Variants in KIAA1671 observed in about 807,000 individuals in gnomAD.
The protein encoded by KIAA1671 is uncharacterized protein KIAA1671.
Under a neutral mutation model 131.2 loss-of-function variants are expected in KIAA1671, and 52 were observed. The ratio of observed to expected loss-of-function variants is 0.40; its 90% CI spans 0.32 to 0.50. The LOEUF (loss-of-function observed/expected upper bound fraction) is 0.50, where lower values mean the gene tolerates loss of function less well. Among genes scored for constraint, KIAA1671 ranks in the 20% least tolerant of loss-of-function variants. The pLI is 0.73. For synonymous variants in KIAA1671, 1,003 were observed against 961.6 expected, an observed-to-expected ratio of 1.04 and a Z score of -0.80; for missense variants, 2,360 against 2,364.2, an observed-to-expected ratio of 1.00 and a Z score of 0.04.
intron 6 of KIAA1671, among the ~76,000 whole-genome samples, chr22:25,162,029 C>T (rs912390371): frequency 2.0e-5 from 3 of 152,208 alleles, no homozygotes; most frequent in Admixed American, 6.5e-5. Context: ...CCCAGCTCCA[C>T]CCCTTCCAAA....
intron 6 of KIAA1671, among the ~76,000 whole-genome samples, chr22:25,099,837 C>T (rs958953391): frequency 6.6e-6 from 1 of 152,090 alleles, no homozygotes; most frequent in African/African-American, 2.4e-5. Context: ...AAGCCACACT[C>T]GTTCCAATGG....
chr22:25,033,574 G>GGTTTTTT (rs1261506792), intron 4 of KIAA1671, among the ~76,000 whole-genome samples: 1 of 58,420 alleles, frequency 1.7e-5, no homozygotes, highest in African/African-American at 7.2e-5. Flanking sequence ...GTTTGTTTTC[G>GGTTTTTT]TTTTTTTTTT....
chr22:25,160,707 C>T (rs1933414085), intron 6 of KIAA1671, among the ~76,000 whole-genome samples: 1 of 152,220 alleles, frequency 6.6e-6, no homozygotes, highest in Non-Finnish European at 1.5e-5. Flanking sequence ...CCACACCTGA[C>T]TACACCTGGC....
At chr22:25,141,397 T>TG (rs1568976799) in intron 6 of KIAA1671, among the ~76,000 whole-genome samples, 1 of 132,850 alleles carries the variant, frequency 7.5e-6, no homozygotes, top group Non-Finnish European at 1.7e-5. Flanking sequence ...CACACCTGGC[T>TG]AATTTTTTGT....
intron 6 of KIAA1671, among the ~76,000 whole-genome samples, chr22:25,139,377 G>A (rs900457218): frequency 6.6e-6 from 1 of 152,240 alleles, no homozygotes; most frequent in Non-Finnish European, 1.5e-5. Flanking sequence ...GAGGGAGGCT[G>A]TATGGTACAA....
chr22:24,986,068 C>G (rs959956027), intron 1 of KIAA1671, among the ~76,000 whole-genome samples: 27 of 152,112 alleles, frequency 1.8e-4, no homozygotes, highest in African/African-American at 6.5e-4. Context: ...GGTTTCCTTC[C>G]TCTCCTAGTG....
chr22:24,994,083 A>G (rs1177571396), intron 1 of KIAA1671, among the ~76,000 whole-genome samples: 4 of 152,100 alleles, frequency 2.6e-5, no homozygotes, highest in Non-Finnish European at 5.9e-5. Flanking sequence ...CTCCCGTCTC[A>G]GAAGAGAAAA....
At chr22:25,102,441 TTTG>T (rs941554636) in intron 6 of KIAA1671, 38 of 152,244 alleles carry the variant, frequency 2.5e-4, no homozygotes, top group African/African-American at 5.8e-4. Context: ...CATTTATTAT[TTTG>T]TTGTTGTTGT....
rs528893871 is a variant in KIAA1671 at position 25,133,376 on chromosome 22, C to G, written c.4531-37444C>G. 1.2e-3 allele frequency among the ~76,000 whole-genome samples: 179 copies of G among 152,316 alleles called. 3 individuals carry two copies. The South Asian group carries it at 0.031, about 26-fold the overall frequency. On this transcript the variant is annotated intron_variant, in intron 6 of 12. Coordinates refer to ENST00000358431, the MANE Select transcript of KIAA1671 (RefSeq NM_001145206.2). ...AGGTTTCAGTAGCATGTGTTGACCA[C>G]AGAATTCACAAAGCATTTCACTAGG...
chr22:24,975,437 G>A (rs1922863138), intron 1 of KIAA1671, among the ~76,000 whole-genome samples: 1 of 151,688 alleles, frequency 6.6e-6, no homozygotes, highest in African/African-American at 2.4e-5. Context: ...TCCTGCTTCA[G>A]CCTCCTAAGT....
At chr22:25,147,823 C>T (rs1226498484) in intron 6 of KIAA1671, among the ~76,000 whole-genome samples, 3 of 152,162 alleles carry the variant, frequency 2.0e-5, no homozygotes, top group Non-Finnish European at 4.4e-5. Flanking sequence ...GTGCTAGGAG[C>T]TCTCATTCAC....
chr22:25,153,416 G>A (rs932606140), intron 6 of KIAA1671, among the ~76,000 whole-genome samples: 4 of 152,148 alleles, frequency 2.6e-5, no homozygotes, highest in Non-Finnish European at 4.4e-5. Flanking sequence ...ACATTGCACA[G>A]GACGGCCCCC....
chr22:25,173,695 CA>C (rs1933926207), intron 7 of KIAA1671, among the ~76,000 whole-genome samples: 1 of 152,038 alleles, frequency 6.6e-6, no homozygotes, highest in Non-Finnish European at 1.5e-5. Context: ...GTAGCTACAC[CA>C]AAAGAATAAA....
In KIAA1671 at chr22:25,185,138, T is replaced by C. The variant is rs1349551168; in HGVS notation, c.5342+19T>C. On this transcript the variant is annotated intron_variant, in intron 11 of 12. Transcript: ENST00000358431. Reference sequence around the variant, plus strand: ...ATGAGAGGTGAGGGGTCTTGGGGAATGGGGGTCCCTCTCCTTCCAAACTCA... The same window carrying C: ...ATGAGAGGTGAGGGGTCTTGGGGAACGGGGGTCCCTCTCCTTCCAAACTCA... 4 of 1,531,716 alleles carry C rather than the reference T, an allele frequency of 2.6e-6. No individual in the cohort carries two copies. The East Asian group carries it at 7.4e-5, about 28-fold the overall frequency. The allele number at this position is 1,531,716 out of a possible 1,614,324, so 94.9% of individuals were successfully genotyped here.
At chr22:25,178,235 C>A (rs1010213469) in intron 9 of KIAA1671, among the ~76,000 whole-genome samples, 1 of 152,182 alleles carries the variant, frequency 6.6e-6, no homozygotes, top group African/African-American at 2.4e-5. Flanking sequence ...GGAACTCAGC[C>A]CAGAGGGTGT....
intron 1 of KIAA1671, among the ~76,000 whole-genome samples, chr22:24,990,614 C>A (rs971835858): frequency 6.6e-6 from 1 of 152,252 alleles, no homozygotes; most frequent in Admixed American, 6.5e-5. Flanking sequence ...TCCAACCCAG[C>A]GCTGACATGG....
chr22:24,955,957 G>A (rs1447576600), intron 1 of KIAA1671, among the ~76,000 whole-genome samples: 3 of 151,358 alleles, frequency 2.0e-5, no homozygotes, highest in Non-Finnish European at 4.4e-5. Flanking sequence ...CCGGGGAGGC[G>A]GAGCTTGCAG....
chr22:24,971,556 G>A (rs1922615472), intron 1 of KIAA1671, among the ~76,000 whole-genome samples: 1 of 152,142 alleles, frequency 6.6e-6, no homozygotes, highest in Non-Finnish European at 1.5e-5. Context: ...CTCTGTTTTA[G>A]TTTCCCTGAA....
intron 6 of KIAA1671, among the ~76,000 whole-genome samples, chr22:25,081,602 G>GGTTA (rs1929410967): frequency 7.4e-6 from 1 of 135,284 alleles, no homozygotes; most frequent in Admixed American, 7.4e-5. Context: ...TAACAACAGG[G>GGTTA]GTTAGATGGG....
Sources: allele counts gnomAD v4.1 joint callset (sites outside exome capture counted in the v4.1 genomes callset), GRCh38; gene constraint gnomAD v4.1.1; transcripts MANE v1.5; gene names NCBI Gene and HGNC (gene_info 2026-07-23, HGNC 2026-07-21).